KANK1: variants seen among roughly 807,000 people sequenced by gnomAD.
The protein encoded by KANK1 is KN motif and ankyrin repeat domain-containing protein 1.
A neutral mutation model predicts 106.2 loss-of-function variants in KANK1; 109 were observed. That is an observed-to-expected ratio of 1.03 (90% CI 0.88 to 1.20). KANK1 has a LOEUF of 1.20. Ranked by LOEUF, KANK1 falls within the 50% of genes most tolerant of loss-of-function variation. KANK1 has a pLI of 0.00. For synonymous variants in KANK1, 873 were observed against 652.2 expected, an observed-to-expected ratio of 1.34 and a Z score of -5.16; for missense variants, 2,399 against 1,710.7, an observed-to-expected ratio of 1.40 and a Z score of -7.10.
intron 1 of KANK1, among the ~76,000 whole-genome samples, chr9:505,693 A>T (rs1047766965): frequency 5.9e-5 from 9 of 152,198 alleles, no homozygotes; most frequent in Non-Finnish European, 1.2e-4. Flanking sequence ...GGCGTCCGCC[A>T]GCGCTCGCTT....
chr9:606,131 A>T (rs1263675321), intron 1 of KANK1, among the ~76,000 whole-genome samples: 1 of 132,058 alleles, frequency 7.6e-6, no homozygotes, highest in African/African-American at 2.8e-5. Flanking sequence ...GCATTGAATT[A>T]CACATATTCC....
intron 1 of KANK1, among the ~76,000 whole-genome samples, chr9:513,089 C>A (rs985069306): frequency 6.6e-6 from 1 of 152,178 alleles, no homozygotes; most frequent in Non-Finnish European, 1.5e-5. Flanking sequence ...AACACTCCAG[C>A]CACTAAAAAT....
At chr9:733,217 G>A (rs932822723) in intron 6 of KANK1, 3 of 152,238 alleles carry the variant, frequency 2.0e-5, no homozygotes, top group Admixed American at 6.5e-5. Flanking sequence ...AAGACCATTA[G>A]ATAAGGATTT....
chr9:702,431 T>A (rs1822917461), intron 2 of KANK1, among the ~76,000 whole-genome samples: 1 of 152,196 alleles, frequency 6.6e-6, no homozygotes, highest in Non-Finnish European at 1.5e-5. Context: ...TTGTCCATTT[T>A]GTTCGGTGCC....
intron 1 of KANK1, among the ~76,000 whole-genome samples, chr9:621,410 G>T (rs1833114767): frequency 6.6e-6 from 1 of 152,096 alleles, no homozygotes; most frequent in African/African-American, 2.4e-5. Flanking sequence ...CTTGGCAAGT[G>T]TGGAAATTCT....
At chr9:564,631 A>G (rs941855213) in intron 1 of KANK1, among the ~76,000 whole-genome samples, 10 of 152,164 alleles carry the variant, frequency 6.6e-5, no homozygotes, top group South Asian at 2.1e-4. Context: ...AGCTATACCT[A>G]TTTCTGCCCA....
chr9:734,585 G>C, intron 6 of KANK1, 163 bp from the exon 7 acceptor site: 1 of 517,224 alleles, frequency 1.9e-6, no homozygotes. Flanking sequence ...AGGATTGCTT[G>C]AATCCAGGAG....
Position 471,915 on chromosome 9 carries a change from G to A in KANK1, c.-442+1233G>A, listed in dbSNP as rs114192862. Among the ~76,000 whole-genome samples, 858 of 152,192 alleles carry A rather than the reference G, an allele frequency of 5.6e-3. 7 individuals carry two copies. Among genetic ancestry groups the A allele is most frequent in the South Asian group, 0.056 (268 of 4,822 alleles). On this transcript the variant is annotated intron_variant, in intron 2 of 15. Coordinates refer to the KANK1 transcript ENST00000382303. ...GAGGATATGTGAGCCGGTCACCAGG[G>A]ACTGCGGCTGACTCCCCGAGCACAA... is the stretch of plus-strand genomic sequence containing the variant.
intron 1 of KANK1, among the ~76,000 whole-genome samples, chr9:649,398 A>G (rs1215198573): frequency 6.6e-6 from 1 of 152,180 alleles, no homozygotes; most frequent in African/African-American, 2.4e-5. Flanking sequence ...AAAGCATAGA[A>G]GAAAATTAAA....
intron 1 of KANK1, among the ~76,000 whole-genome samples, chr9:555,045 G>A (rs79224654): frequency 0.016 from 2,385 of 152,288 alleles, 22 homozygotes; most frequent in Non-Finnish European, 0.026. Context: ...AAGTTGGCAC[G>A]TGAAATTAAC....
chr9:539,373 AC>A (rs1231927254), intron 1 of KANK1: 1 of 152,224 alleles, frequency 6.6e-6, no homozygotes, highest in Admixed American at 6.5e-5. Context: ...AATTCTTCCA[AC>A]CCATGAATAC....
At position 719,246 on chromosome 9, in the gene KANK1, C is replaced by T. The variant is rs940986949; in HGVS notation, c.2698+5782C>T. Among the ~76,000 whole-genome samples the T allele has an allele frequency of 3.3e-5, 5 of 152,138 alleles. No individual in the cohort carries two copies. In the East Asian group the frequency reaches 5.8e-4, roughly 18 times the overall value. ...CCTCCCAAAGTGCTGGGATTACAGG[C>T]GTGAGCCAGCGCGCCCGGCCTCAAG... is the stretch of plus-strand genomic sequence containing the variant. On this transcript the variant is annotated intron_variant, in intron 3 of 11. Transcript: ENST00000382297.
chr9:501,255 T>A (rs1487178428), upstream of KANK1, among the ~76,000 whole-genome samples: 1 of 152,196 alleles, frequency 6.6e-6, no homozygotes, highest in Non-Finnish European at 1.5e-5. Context: ...CATTTTTAAA[T>A]CCGTGGCAAG....
intron 1 of KANK1, among the ~76,000 whole-genome samples, chr9:536,875 A>AC (rs1177198498): frequency 6.6e-6 from 1 of 152,146 alleles, no homozygotes; most frequent in Non-Finnish European, 1.5e-5. Flanking sequence ...CGCAGTCGGC[A>AC]CCCCTTTAAG....
chr9:480,172 T>C (rs986751959), intron 3 of KANK1, among the ~76,000 whole-genome samples: 6 of 152,220 alleles, frequency 3.9e-5, no homozygotes, highest in Non-Finnish European at 7.3e-5. Context: ...GCTGTGAAAA[T>C]GTCTAGGCTT....
intron 1 of KANK1, among the ~76,000 whole-genome samples, chr9:578,893 C>T (rs1451651527): frequency 2.0e-5 from 3 of 152,122 alleles, no homozygotes; most frequent in Non-Finnish European, 2.9e-5. Flanking sequence ...TCGAAGATGA[C>T]GAGCTTATCC....
intron 1 of KANK1, among the ~76,000 whole-genome samples, chr9:535,548 A>G (rs1264233407): frequency 1.3e-5 from 2 of 152,216 alleles, no homozygotes; most frequent in Non-Finnish European, 2.9e-5. Flanking sequence ...CCCAGGTCAC[A>G]GGGCTAAAAT....
At chr9:737,281 A>G (rs968300244) in intron 7 of KANK1, among the ~76,000 whole-genome samples, 6 of 152,240 alleles carry the variant, frequency 3.9e-5, no homozygotes, top group African/African-American at 1.2e-4. Flanking sequence ...TTAAAACTAA[A>G]TAATCAGTAG....
intron 1 of KANK1, among the ~76,000 whole-genome samples, chr9:507,841 C>G (rs558134868): frequency 6.6e-6 from 1 of 151,966 alleles, no homozygotes; most frequent in East Asian, 1.9e-4. Flanking sequence ...CAGGTGTGAG[C>G]CACCATGCCA....
Sources: allele counts gnomAD v4.1 joint callset (sites outside exome capture counted in the v4.1 genomes callset), GRCh38; gene constraint gnomAD v4.1.1; transcripts MANE v1.5; gene names NCBI Gene and HGNC (gene_info 2026-07-23, HGNC 2026-07-21).